SLC6A11: variants seen among roughly 807,000 people sequenced by gnomAD.
SLC6A11 encodes the protein sodium- and chloride-dependent GABA transporter 3.
SLC6A11 carries 25 observed loss-of-function variants against 74.8 expected under a neutral mutation model. The observed-to-expected ratio is 0.33, with a 90% CI of 0.24 to 0.47. SLC6A11 has a LOEUF of 0.47. Ranked by LOEUF, SLC6A11 falls within the 20% of genes least tolerant of loss-of-function variation. The pLI is 1.00. For missense variants in SLC6A11, 574 were observed against 837.0 expected (o/e 0.69, Z 3.88); for synonymous variants, 330 against 330.2 (o/e 1.00, Z 0.01).
intron 5 of SLC6A11, among the ~76,000 whole-genome samples, chr3:10,856,162 A>C (rs577485901): frequency 2.5e-4 from 38 of 152,346 alleles, no homozygotes; most frequent in African/African-American, 9.1e-4. Flanking sequence ...GGAAGAGCAG[A>C]GGGAAAACTT....
chr3:10,843,712 C>G (rs568347614), intron 4 of SLC6A11, among the ~76,000 whole-genome samples: 6 of 152,298 alleles, frequency 3.9e-5, no homozygotes, highest in African/African-American at 1.2e-4. Flanking sequence ...TTGACACAGG[C>G]TTCCATAATG....
chr3:10,822,231 G>T lies in SLC6A11; in HGVS notation c.533-1071G>T, dbSNP rs368670182. 5.9e-5 allele frequency among the ~76,000 whole-genome samples: 9 copies of T among 152,360 alleles called. No individual in the cohort carries two copies. The South Asian group carries it at 1.0e-3, about 18-fold the overall frequency. On this transcript the variant is annotated intron_variant, in intron 3 of 13. Coordinates refer to ENST00000254488, the MANE Select transcript of SLC6A11 (RefSeq NM_014229.3). ...GACATGCAAGAGTGAAGCCAGCCGG[G>T]CTCCTGCTCCGTGCTGGCCATGGTG...
At chr3:10,851,795 G>C (rs1694579957) in intron 5 of SLC6A11, among the ~76,000 whole-genome samples, 1 of 152,232 alleles carries the variant, frequency 6.6e-6, no homozygotes, top group African/African-American at 2.4e-5. Context: ...TTGGCCACTG[G>C]GCAGGGGGCA....
At chr3:10,822,770 A>G (rs919161903) in intron 3 of SLC6A11, among the ~76,000 whole-genome samples, 8 of 152,204 alleles carry the variant, frequency 5.3e-5, no homozygotes, top group Admixed American at 4.6e-4. Flanking sequence ...TAGTGAGGGA[A>G]TGATGAAGAA....
At chr3:10,913,454 G>A (rs1032776348) in intron 7 of SLC6A11, among the ~76,000 whole-genome samples, 14 of 152,044 alleles carry the variant, frequency 9.2e-5, no homozygotes, top group South Asian at 4.1e-4. Flanking sequence ...AAATGGGTGT[G>A]TTTTGTTTAG....
rs142616887 is a variant in SLC6A11 at position 10,929,636 on chromosome 3, G to C, written c.1371+297G>C. On this transcript the variant is annotated intron_variant, in intron 10 of 13. Coordinates refer to ENST00000254488, the MANE Select transcript of SLC6A11 (RefSeq NM_014229.3). The stretch of plus-strand genomic sequence containing the variant: ...TCATGGTGAGCACATGGACTCCTGG[G>C]CCATCCCTAAGAATAACTTCTGGGT... Among the ~76,000 whole-genome samples the C allele has an allele frequency of 1.9e-4, 29 of 152,302 alleles. No homozygotes were observed. In the East Asian group the frequency reaches 5.4e-3, roughly 28 times the overall value.
rs146385234 is a variant in SLC6A11, at chr3:10,884,836, C to T, written c.891+9741C>T. On this transcript the variant is annotated intron_variant, in intron 6 of 13. Transcript: ENST00000254488. Reference sequence around the variant, plus strand: ...GCCTGTTACCTCTACTTTGGGACAACGTTCTACTCACCTGGTTCCCAATGT... The same window carrying T: ...GCCTGTTACCTCTACTTTGGGACAATGTTCTACTCACCTGGTTCCCAATGT... Among the ~76,000 whole-genome samples, 390 of 152,348 alleles carry T rather than the reference C, an allele frequency of 2.6e-3. 2 individuals carry two copies. The highest frequency in any genetic ancestry group is 3.9e-3 in the Non-Finnish European group (262 of 68,034).
intron 1 of SLC6A11, among the ~76,000 whole-genome samples, chr3:10,818,491 C>T (rs1214733130): frequency 6.6e-6 from 1 of 152,150 alleles, no homozygotes; most frequent in Non-Finnish European, 1.5e-5. Flanking sequence ...CAATATGAAA[C>T]TTTAAATTAG....
intron 7 of SLC6A11, among the ~76,000 whole-genome samples, chr3:10,916,476 G>C (rs1575701783): frequency 6.6e-6 from 1 of 152,308 alleles, no homozygotes; most frequent in Non-Finnish European, 1.5e-5. Flanking sequence ...CCTGGGTTTG[G>C]CTCCAAGGTC....
At chr3:10,903,521 A>C (rs554959043) in intron 6 of SLC6A11, among the ~76,000 whole-genome samples, 1 of 152,316 alleles carries the variant, frequency 6.6e-6, no homozygotes, top group Admixed American at 6.5e-5. Flanking sequence ...AAGCTCCTTA[A>C]GGGTAGGAGC....
chr3:10,873,583 C>CCCTACCCTACCCTACCCTAA, intron 5 of SLC6A11, among the ~76,000 whole-genome samples: 1 of 115,020 alleles, frequency 8.7e-6, no homozygotes, highest in Non-Finnish European at 1.8e-5. Flanking sequence ...CCCTACCCTA[C>CCCTACCCTACCCTACCCTAA]GCTATCCTAT....
intron 5 of SLC6A11, among the ~76,000 whole-genome samples, chr3:10,873,966 T>TACGCTACGCTACGCTAC (rs1559567223): frequency 1.4e-4 from 18 of 130,044 alleles, no homozygotes; most frequent in Non-Finnish European, 2.5e-4. Context: ...TGCTACGCTA[T>TACGCTACGCTACGCTAC]GCTATGCTAC....
At chr3:10,869,157 C>T (rs990698760) in intron 5 of SLC6A11, among the ~76,000 whole-genome samples, 1 of 152,184 alleles carries the variant, frequency 6.6e-6, no homozygotes, top group Non-Finnish European at 1.5e-5. Flanking sequence ...AAAGACCAAA[C>T]CCTTATATTG....
In SLC6A11 at chr3:10,916,000, T is replaced by C. The variant is rs1404376836; in HGVS notation, c.996-2329T>C. ...CTCAGCCTCAGGATTCAGTGAAACC[T>C]AGTCCACGGCTGGCATACTGCAGGT... On this transcript the variant is annotated intron_variant, in intron 7 of 13. Coordinates refer to ENST00000254488, the MANE Select transcript of SLC6A11 (RefSeq NM_014229.3). The surrounding 1 kb of genome is among the most constrained non-coding windows in gnomAD (Gnocchi z 4.3). 6.6e-6 allele frequency among the ~76,000 whole-genome samples: 1 copy of C among 152,196 alleles called. No homozygotes were observed. Among genetic ancestry groups the C allele is most frequent in the Non-Finnish European group, 1.5e-5 (1 of 68,038 alleles).
In SLC6A11 at chr3:10,918,311, C is replaced by A; in HGVS notation, c.996-18C>A. On this transcript the variant is annotated intron_variant, in intron 7 of 13. Coordinates refer to ENST00000254488, the MANE Select transcript of SLC6A11 (RefSeq NM_014229.3). The surrounding 1 kb of genome is among the most constrained non-coding windows in gnomAD (Gnocchi z 4.5). ...TCTGCCCGCTCTGACCCTAGTGCCT[C>A]TCGCTGCTTCCCCACAGGGACTGCA... 3.2e-6 allele frequency: 5 copies of A among 1,573,090 alleles called. No individual in the cohort carries two copies. Among genetic ancestry groups the A allele is most frequent in the East Asian group, 2.4e-5 (1 of 42,004 alleles).
At chr3:10,921,548 T>A (rs1336488758) in intron 8 of SLC6A11, among the ~76,000 whole-genome samples, 2 of 152,056 alleles carry the variant, frequency 1.3e-5, no homozygotes, top group African/African-American at 4.8e-5. Flanking sequence ...TGCGGGAAAG[T>A]GCCACAGAGT....
At chr3:10,887,298 TGATGGATGGATG>T (rs113426564) in intron 6 of SLC6A11, among the ~76,000 whole-genome samples, 4,570 of 143,978 alleles carry the variant, frequency 0.032, 124 homozygotes, top group East Asian at 0.12. Flanking sequence ...GATAAATGGA[TGATGGATGGATG>T]GATGGATGGA....
intron 4 of SLC6A11, among the ~76,000 whole-genome samples, chr3:10,841,886 C>T (rs554285915): frequency 6.6e-6 from 1 of 152,202 alleles, no homozygotes; most frequent in Non-Finnish European, 1.5e-5. Flanking sequence ...GTAGGGACCT[C>T]GTGTGTTCCT....
chr3:10,847,882 G>A (rs1261484102), intron 5 of SLC6A11, among the ~76,000 whole-genome samples: 1 of 152,042 alleles, frequency 6.6e-6, no homozygotes, highest in Non-Finnish European at 1.5e-5. Flanking sequence ...TTCCCACGTG[G>A]GCAGAGGTCA....
Sources: gnomAD v4.1 joint callset for allele counts (sites outside exome capture counted in the v4.1 genomes callset) on GRCh38, gnomAD v4.1.1 for gene constraint, Gnocchi (gnomAD v3.1) non-coding constraint, MANE v1.5 for transcripts, NCBI Gene and HGNC (gene_info 2026-07-23, HGNC 2026-07-21) for gene names.